Variants in IREB2 observed in about 807,000 individuals in gnomAD.
IREB2 encodes the protein iron-responsive element-binding protein 2.
In IREB2, 39 loss-of-function variants were observed where a neutral mutation model predicts 118.8. The observed-to-expected ratio is 0.33, with a 90% CI of 0.25 to 0.43. The LOEUF is 0.43. IREB2 is among the 20% of genes least tolerant of loss of function. The probability of loss-of-function intolerance (pLI) is 1.00; values close to 1 mark genes in which losing one functional copy is unlikely to be tolerated. For missense variants in IREB2, 900 were observed against 1,147.3 expected, an observed-to-expected ratio of 0.78 and a Z score of 3.11; for synonymous variants, 372 against 392.2, an observed-to-expected ratio of 0.95 and a Z score of 0.61.
chr15:78,485,683 T>C, intron 12 of IREB2, 22 bp from the exon 13 acceptor site: 2 of 1,608,650 alleles, frequency 1.2e-6, no homozygotes, highest in Non-Finnish European at 1.7e-6. Context: ...CCATAATAAA[T>C]CATTGTTTGT....
In IREB2 at chr15:78,497,195, G is replaced by A; in HGVS notation, c.2665G>A (p.Ala889Thr). The A allele has an allele frequency of 6.2e-7, 1 of 1,613,760 alleles. No homozygotes were observed. The highest frequency in any genetic ancestry group is 8.5e-7 in the Non-Finnish European group (1 of 1,179,678). The part of the protein sequence containing the change: ...HKDHLIGIGI[A>T]PLQFLPGENA... ...AGATCATTTGATTGGAATTGGCATA[G>A]CTCCACTTCAGTTCCTTCCAGGAGA... The change falls in exon 21 of 22, where the codon GCT becomes ACT. Residue 889 changes from alanine to threonine, a missense_variant. Ala to Thr is a moderately conservative substitution (Grantham distance 58). Coordinates refer to ENST00000258886, the MANE Select transcript of IREB2 (RefSeq NM_004136.4).
intron 9 of IREB2, among the ~76,000 whole-genome samples, chr15:78,477,117 T>TC (rs34549776): frequency 6.6e-6 from 1 of 152,048 alleles, no homozygotes; most frequent in Non-Finnish European, 1.5e-5. Context: ...GAGGGAATGA[T>TC]CCCCCCAAGT....
intron 2 of IREB2, among the ~76,000 whole-genome samples, chr15:78,461,593 A>G (rs942864555): frequency 1.3e-5 from 2 of 152,198 alleles, no homozygotes; most frequent in Non-Finnish European, 2.9e-5. Flanking sequence ...AATTACATAT[A>G]TAGAACAATG....
intron 6 of IREB2, among the ~76,000 whole-genome samples, chr15:78,471,106 G>A (rs984893853): frequency 1.3e-5 from 2 of 151,954 alleles, no homozygotes; most frequent in African/African-American, 4.8e-5. Flanking sequence ...CTGCCTCTTG[G>A]GTTCAAGCGA....
intron 13 of IREB2, 119 bp from the exon 14 acceptor site, chr15:78,487,614 T>C: frequency 1.6e-6 from 1 of 617,998 alleles, no homozygotes; most frequent in South Asian, 2.1e-5. Flanking sequence ...GGTTAATCCA[T>C]GTGTCATGAA....
Position 78,497,927 on chromosome 15 carries a change from A to C in IREB2, c.2782-106A>C, listed in dbSNP as rs1023934237. 8 of 622,488 alleles carry C rather than the reference A, an allele frequency of 1.3e-5. No individual in the cohort carries two copies. The Admixed American group carries it at 2.3e-4, about 18-fold the overall frequency. 38.6% of individuals were successfully genotyped at this position (622,488 alleles called of 1,614,324 possible). On this transcript the variant is annotated intron_variant, in intron 21 of 21. Transcript: ENST00000258886. ...TTAGAACCAAGATAAATCAGACAGA[A>C]TCTGTGGCAAGTATAGTCATTAAAT... is the stretch of plus-strand genomic sequence containing the variant.
intron 10 of IREB2, among the ~76,000 whole-genome samples, chr15:78,480,880 G>A (rs1398109882): frequency 1.3e-5 from 2 of 151,322 alleles, no homozygotes; most frequent in Non-Finnish European, 2.9e-5. Context: ...ATGGTGGCAT[G>A]CGCCTGTAGT....
chr15:78,438,588 A>C, intron 1 of IREB2: 2 of 538,004 alleles, frequency 3.7e-6, no homozygotes, highest in Non-Finnish European at 3.3e-6. Flanking sequence ...GGGCCACCCC[A>C]CCGCTGGCCT....
chr15:78,438,416 G>T, intron 1 of IREB2, 60 bp downstream of exon 1: 1 of 1,558,148 alleles, frequency 6.4e-7, no homozygotes, highest in South Asian at 1.2e-5. Flanking sequence ...CCTAGGCGCC[G>T]AATTCCTTGC....
At chr15:78,481,187 T>C (rs2051564338) in intron 10 of IREB2, among the ~76,000 whole-genome samples, 1 of 152,118 alleles carries the variant, frequency 6.6e-6, no homozygotes, top group African/African-American at 2.4e-5. Flanking sequence ...AGTTTGAAGC[T>C]GCAGTGAGCT....
intron 2 of IREB2, among the ~76,000 whole-genome samples, chr15:78,454,596 A>G (rs995689721): frequency 2.0e-5 from 3 of 152,230 alleles, no homozygotes. Flanking sequence ...TGTTGATTGT[A>G]CAACTTGGTA....
chr15:78,479,297 T>C (rs955164375), intron 10 of IREB2, among the ~76,000 whole-genome samples: 2 of 152,006 alleles, frequency 1.3e-5, no homozygotes, highest in African/African-American at 4.8e-5. Flanking sequence ...ATTTAAGTAA[T>C]GTTATTGTAG....
At chr15:78,494,594 T>G (rs941386799) in intron 20 of IREB2, among the ~76,000 whole-genome samples, 6 of 152,180 alleles carry the variant, frequency 3.9e-5, no homozygotes, top group African/African-American at 1.4e-4. Context: ...TTTTTTAGTT[T>G]TGAGACCATG....
intron 15 of IREB2, 47 bp downstream of exon 15, chr15:78,488,383 A>G (rs367630220): frequency 1.9e-5 from 28 of 1,437,174 alleles, no homozygotes; most frequent in Middle Eastern, 1.8e-4. Flanking sequence ...ACTTTTCCCA[A>G]TGGAAGTCGT....
Position 78,471,903 on chromosome 15 carries a change from G to A in IREB2, c.862G>A (p.Gly288Ser), listed in dbSNP as rs1489225812. 6.3e-7 allele frequency: 1 copy of A among 1,596,014 alleles called. No homozygotes were observed. The highest frequency in any genetic ancestry group is 1.2e-5 in the South Asian group (1 of 86,704). ...GTDSHITMVN[G>S]LGILGWGVGG... is the part of the protein sequence containing the mutation. ...AGATTCACACATAACGATGGTGAAT[G>A]GTTTAGGGATTCTGGGGTGGGGTAA... is the stretch of plus-strand genomic sequence containing the variant. Residue 288 changes from glycine to serine, a missense_variant, in exon 7 of 22, where the codon GGT becomes AGT. Transcript: ENST00000258886.
rs564082776 is a variant in IREB2 at position 78,490,667 on chromosome 15, T to C, written c.2230T>C (p.Leu744=). 5.4e-5 allele frequency: 87 copies of C among 1,614,002 alleles called. No individual in the cohort carries two copies. Among genetic ancestry groups the C allele is most frequent in the East Asian group, 3.6e-4 (16 of 44,892 alleles). Residue 744 remains leucine (L), a synonymous_variant, in exon 18 of 22, where the codon TTA becomes CTA. Coordinates refer to ENST00000258886, the MANE Select transcript of IREB2 (RefSeq NM_004136.4). ...GGCTATTGAAAATGCCCATGTCTTA[T>C]TATATTTGGGAGACTCTGTCACAAC... ...LQAIENAHVL[L]YLGDSVTTDH...
chr15:78,482,058 A>G (rs1807471196), intron 10 of IREB2, among the ~76,000 whole-genome samples: 1 of 151,992 alleles, frequency 6.6e-6, no homozygotes, highest in South Asian at 2.1e-4. Context: ...ACATAGTGAG[A>G]CCTCACCTCT....
rs894667964 is a variant in IREB2, at chr15:78,496,013, G to A, written c.2596-1113G>A. On this transcript the variant is annotated intron_variant, in intron 20 of 21. Transcript: ENST00000258886. ...GGATTGAGCTGGATCTTACTGCTTT[G>A]TATGGCCTTGTAACCTGTGTCCACG... 2.6e-5 allele frequency among the ~76,000 whole-genome samples: 4 copies of A among 152,288 alleles called. No individual in the cohort carries two copies. The South Asian group carries it at 8.3e-4, about 32-fold the overall frequency.
At chr15:78,495,715 T>C (rs1333806658) in intron 20 of IREB2, among the ~76,000 whole-genome samples, 2 of 152,040 alleles carry the variant, frequency 1.3e-5, no homozygotes, top group African/African-American at 4.8e-5. Context: ...TTGTAAAAAA[T>C]GAGTAAAAAA....
Sources: allele counts gnomAD v4.1 joint callset (sites outside exome capture counted in the v4.1 genomes callset), GRCh38; gene constraint gnomAD v4.1.1; transcripts MANE v1.5; gene names NCBI Gene and HGNC (gene_info 2026-07-23, HGNC 2026-07-21).